Variants in LRRC4C observed in about 807,000 individuals in gnomAD.
The protein encoded by LRRC4C is leucine rich repeat containing 4C.
In LRRC4C, 5 loss-of-function variants were observed where a neutral mutation model predicts 33.6. The observed-to-expected ratio is 0.15, with a 90% confidence interval of 0.08 to 0.31. LRRC4C has a LOEUF of 0.31. LRRC4C is among the 10% of genes least tolerant of loss of function. LRRC4C has a pLI of 1.00. For missense variants in LRRC4C, 560 were observed against 796.7 expected (o/e 0.70, Z 3.58); for synonymous variants, 329 against 302.0 (o/e 1.09, Z -0.93).
chr11:41,042,758 A>T (rs973531190), intron 1 of LRRC4C, among the ~76,000 whole-genome samples: 2 of 152,156 alleles, frequency 1.3e-5, no homozygotes, highest in Non-Finnish European at 2.9e-5. Flanking sequence ...AGTCACAGGG[A>T]TACCTTCTTT....
intron 1 of LRRC4C, among the ~76,000 whole-genome samples, chr11:41,432,035 C>A (rs536352677): frequency 6.6e-6 from 1 of 151,910 alleles, no homozygotes; most frequent in South Asian, 2.1e-4. Context: ...TGGTCACCAG[C>A]GAGAAAAGTT....
chr11:40,976,074 C>T (rs1051337755), intron 1 of LRRC4C, among the ~76,000 whole-genome samples: 1 of 152,100 alleles, frequency 6.6e-6, no homozygotes, highest in South Asian at 2.1e-4. Context: ...GTCATCCTGC[C>T]AATTAGGTAT....
Position 40,115,440 on chromosome 11 carries a change from C to T in LRRC4C, c.853G>A (p.Asp285Asn), listed in dbSNP as rs868544201. The T allele has an allele frequency of 1.2e-6, 2 of 1,614,174 alleles. No homozygotes were observed. The highest frequency in any genetic ancestry group is 8.5e-7 in the Non-Finnish European group (1 of 1,180,028). ...AGATGATGCAAGGGAGTGAAGAGGT[C>T]ATGAGGCAGTAATGTTAGATTATTG... Reference protein sequence around the residue: ...AHNNLTLLPHDLFTPLHHLER... With the variant: ...AHNNLTLLPHNLFTPLHHLER... Residue 285 changes from aspartate (D) to asparagine (N), a missense_variant, in exon 7 of 7, where the codon GAC (aspartate) becomes AAC (asparagine). Physicochemically the swap from Asp to Asn is conservative, Grantham distance 23. Transcript: ENST00000528697. The surrounding 1 kb of genome is among the most constrained non-coding windows in gnomAD (Gnocchi z 6.7).
chr11:40,400,516 G>A (rs1377343788), intron 3 of LRRC4C, among the ~76,000 whole-genome samples: 1 of 151,960 alleles, frequency 6.6e-6, no homozygotes, highest in African/African-American at 2.4e-5. Flanking sequence ...CATGCCACAG[G>A]TCAAAATTCT....
intron 1 of LRRC4C, among the ~76,000 whole-genome samples, chr11:41,130,664 T>C (rs1463793695): frequency 1.3e-5 from 2 of 152,062 alleles, no homozygotes; most frequent in African/African-American, 2.4e-5. Context: ...AATGCATAAA[T>C]ATACATTCAT....
chr11:40,122,855 C>T (rs976981967), intron 6 of LRRC4C, among the ~76,000 whole-genome samples: 5 of 144,408 alleles, frequency 3.5e-5, no homozygotes, highest in Non-Finnish European at 6.1e-5. Context: ...TACTCCCATG[C>T]AAAAACAAAA....
intron 2 of LRRC4C, among the ~76,000 whole-genome samples, chr11:40,901,484 T>C (rs1956195907): frequency 6.6e-6 from 1 of 152,110 alleles, no homozygotes; most frequent in African/African-American, 2.4e-5. Context: ...TTATACATAC[T>C]GAAAGTAAAA....
intron 1 of LRRC4C, among the ~76,000 whole-genome samples, chr11:41,131,623 A>G (rs538899945): frequency 6.6e-6 from 1 of 152,220 alleles, no homozygotes; most frequent in South Asian, 2.1e-4. Flanking sequence ...AATAAGGCTG[A>G]GACCTACAGG....
intron 1 of LRRC4C, among the ~76,000 whole-genome samples, chr11:41,147,007 C>A (rs1047210025): frequency 2.0e-5 from 3 of 152,200 alleles, no homozygotes; most frequent in South Asian, 2.1e-4. Flanking sequence ...TTTTACAGAT[C>A]ATGAATGATT....
chr11:41,276,830 C>G (rs749749719), intron 1 of LRRC4C, among the ~76,000 whole-genome samples: 9 of 152,092 alleles, frequency 5.9e-5, no homozygotes, highest in Non-Finnish European at 1.2e-4. Context: ...AGCTAAGAAA[C>G]GCAGGCAGCC....
At chr11:40,667,832 G>C (rs1943895619) in intron 2 of LRRC4C, among the ~76,000 whole-genome samples, 2 of 152,170 alleles carry the variant, frequency 1.3e-5, no homozygotes, top group Non-Finnish European at 1.5e-5. Flanking sequence ...TGTAGTAGTA[G>C]GTATCTCTGT....
At chr11:41,079,638 A>T (rs543368696) in intron 1 of LRRC4C, among the ~76,000 whole-genome samples, 6 of 152,304 alleles carry the variant, frequency 3.9e-5, no homozygotes, top group South Asian at 2.1e-4. Context: ...AAGAGCTCAG[A>T]TCTACTTGGT....
chr11:40,425,148 T>G (rs1373603780), intron 3 of LRRC4C, among the ~76,000 whole-genome samples: 1 of 151,896 alleles, frequency 6.6e-6, no homozygotes, highest in Admixed American at 6.6e-5. Flanking sequence ...AGAACCCTTA[T>G]GGTGGGTAGG....
At chr11:40,454,906 G>A (rs1952062443) in intron 3 of LRRC4C, among the ~76,000 whole-genome samples, 1 of 151,968 alleles carries the variant, frequency 6.6e-6, no homozygotes. Context: ...AAGCTTACAT[G>A]TGTTTCCTGC....
intron 5 of LRRC4C, among the ~76,000 whole-genome samples, chr11:40,179,242 G>C (rs1449431613): frequency 6.6e-6 from 1 of 151,876 alleles, no homozygotes; most frequent in Non-Finnish European, 1.5e-5. Flanking sequence ...TGAGCTCAAG[G>C]ATCCTCCCAT....
At chr11:41,359,768 T>G (rs971507437) in intron 1 of LRRC4C, among the ~76,000 whole-genome samples, 2 of 152,228 alleles carry the variant, frequency 1.3e-5, no homozygotes, top group South Asian at 2.1e-4. Flanking sequence ...TTCCAGTAAC[T>G]GGCTTAGATG....
chr11:40,250,486 C>A (rs1590819967), intron 4 of LRRC4C, among the ~76,000 whole-genome samples: 1 of 151,834 alleles, frequency 6.6e-6, no homozygotes, highest in Non-Finnish European at 1.5e-5. Flanking sequence ...ATGCCTGTAA[C>A]CCCAGCACTT....
intron 5 of LRRC4C, among the ~76,000 whole-genome samples, chr11:40,234,559 A>G (rs1277479373): frequency 6.6e-6 from 1 of 152,196 alleles, no homozygotes; most frequent in African/African-American, 2.4e-5. Flanking sequence ...ACTGGAGCCT[A>G]GGAGTTCTAG....
intron 5 of LRRC4C, among the ~76,000 whole-genome samples, chr11:40,179,708 G>A (rs1033253595): frequency 4.6e-5 from 7 of 152,180 alleles, no homozygotes; most frequent in Admixed American, 4.6e-4. Flanking sequence ...AGAATAAGAG[G>A]CACCAGCAGC....
Sources: allele counts gnomAD v4.1 joint callset (sites outside exome capture counted in the v4.1 genomes callset), GRCh38; gene constraint gnomAD v4.1.1; non-coding constraint Gnocchi (gnomAD v3.1); transcripts MANE v1.5; gene names NCBI Gene and HGNC (gene_info 2026-07-23, HGNC 2026-07-21).